The following LRMDA variants were observed in gnomAD, a reference collection of about 807,000 sequenced individuals.
LRMDA encodes leucine-rich melanocyte differentiation-associated protein.
LRMDA carries 18 observed loss-of-function variants against 29.8 expected under a neutral mutation model. The ratio of observed to expected loss-of-function variants is 0.60; its 90% CI spans 0.42 to 0.90. The LOEUF is 0.90. Ranked by LOEUF, LRMDA falls within the 40% of genes least tolerant of loss-of-function variation. The pLI, the probability that LRMDA is intolerant of heterozygous loss-of-function variation, is 0.00. For missense variants in LRMDA, 273 were observed against 273.9 expected (o/e 1.00, Z 0.02); for synonymous variants, 125 against 109.4 (o/e 1.14, Z -0.89).
chr10:76,000,432 C>G (rs1847542935), intron 2 of LRMDA, among the ~76,000 whole-genome samples: 1 of 152,196 alleles, frequency 6.6e-6, no homozygotes, highest in African/African-American at 2.4e-5. Context: ...TGACTCCATG[C>G]ACCTGTCTTA....
intron 2 of LRMDA, among the ~76,000 whole-genome samples, chr10:75,932,297 C>T (rs1420611979): frequency 6.6e-6 from 1 of 152,122 alleles, no homozygotes. Context: ...AATTACTTAT[C>T]TTGGGTTCTC....
intron 6 of LRMDA, among the ~76,000 whole-genome samples, chr10:76,537,117 GTTCACGAGAGAGCTTC>G (rs1294032698): frequency 6.6e-6 from 1 of 152,076 alleles, no homozygotes; most frequent in Non-Finnish European, 1.5e-5. Flanking sequence ...TGCCAAATTT[GTTCACGAGAGAGCTTC>G]TTCAAACTTC....
At chr10:75,898,807 C>T (rs943266304) in intron 2 of LRMDA, among the ~76,000 whole-genome samples, 3 of 152,186 alleles carry the variant, frequency 2.0e-5, no homozygotes. Flanking sequence ...CAATTTACTT[C>T]TGGGCTCGGC....
intron 4 of LRMDA, among the ~76,000 whole-genome samples, chr10:76,055,367 C>G (rs970013664): frequency 6.6e-6 from 1 of 152,208 alleles, no homozygotes; most frequent in Non-Finnish European, 1.5e-5. Context: ...CTGCAGACCT[C>G]TAAACTATTC....
At chr10:76,184,552 G>A (rs1449011346) in intron 5 of LRMDA, among the ~76,000 whole-genome samples, 9 of 152,184 alleles carry the variant, frequency 5.9e-5, no homozygotes, top group Non-Finnish European at 1.3e-4. Context: ...TTCAAAGTCT[G>A]CAAAAATGGG....
chr10:76,203,687 G>C (rs1028459007), intron 5 of LRMDA, among the ~76,000 whole-genome samples: 2 of 126,156 alleles, frequency 1.6e-5, no homozygotes, highest in African/African-American at 6.1e-5. Context: ...CCATGTGCCC[G>C]TCCACCCATC....
rs191337158 is a variant in LRMDA at position 76,200,997 on chromosome 10, G to A, written c.517-123404G>A. Among the ~76,000 whole-genome samples the A allele has an allele frequency of 1.2e-4, 18 of 151,216 alleles. No individual in the cohort carries two copies. The East Asian group carries it at 3.3e-3, about 28-fold the overall frequency. ...CTCCCAAAGTGCTGGGATTACAGGC[G>A]TGAGCCACCATGCCTGGCCAATTTT... On this transcript the variant is annotated intron_variant, in intron 5 of 6. Transcript: ENST00000611255.
intron 2 of LRMDA, among the ~76,000 whole-genome samples, chr10:75,777,357 A>T (rs1349348498): frequency 6.6e-6 from 1 of 152,146 alleles, no homozygotes; most frequent in Non-Finnish European, 1.5e-5. Flanking sequence ...CAGGGTGTTA[A>T]TTGTGGGTTG....
intron 2 of LRMDA, among the ~76,000 whole-genome samples, chr10:76,019,599 A>C (rs1847936553): frequency 6.6e-6 from 1 of 152,192 alleles, no homozygotes; most frequent in Non-Finnish European, 1.5e-5. Context: ...TTTCTGGCAA[A>C]GTAACAAGCA....
At chr10:76,344,418 C>T (rs983743657) in intron 6 of LRMDA, among the ~76,000 whole-genome samples, 3 of 152,092 alleles carry the variant, frequency 2.0e-5, no homozygotes, top group South Asian at 2.1e-4. Context: ...AACAGACATT[C>T]GTATTATTTT....
intron 2 of LRMDA, among the ~76,000 whole-genome samples, chr10:75,486,140 G>A (rs1208600669): frequency 1.3e-5 from 2 of 152,172 alleles, no homozygotes; most frequent in Non-Finnish European, 2.9e-5. Context: ...TTGCATAAAA[G>A]TTGTTGAAGA....
At chr10:75,647,251 A>ATT (rs368493739) in intron 2 of LRMDA, among the ~76,000 whole-genome samples, 1 of 151,544 alleles carries the variant, frequency 6.6e-6, no homozygotes, top group African/African-American at 2.4e-5. Flanking sequence ...ACCATGTCCA[A>ATT]TTTTTTTTTA....
chr10:76,409,179 T>A (rs1239043626), intron 6 of LRMDA, among the ~76,000 whole-genome samples: 1 of 152,200 alleles, frequency 6.6e-6, no homozygotes, highest in Non-Finnish European at 1.5e-5. Flanking sequence ...CCACACTCAA[T>A]AATGGTGAGA....
chr10:76,220,333 G>GT lies in LRMDA; in HGVS notation c.517-104060dup, dbSNP rs560207442. On this transcript the variant is annotated intron_variant, in intron 5 of 6. Transcript: ENST00000611255. ...AAAAAATTAATGAATCCAGGAGCTG[G>GT]TTTTTTTTGAAAGGATCAACAAAAT... Among the ~76,000 whole-genome samples the GT allele has an allele frequency of 5.2e-3, 787 of 151,934 alleles. 8 individuals carry two copies. Among genetic ancestry groups the GT allele is most frequent in the African/African-American group, 0.017 (693 of 41,464 alleles).
chr10:76,441,398 G>C (rs1392042842), intron 6 of LRMDA, among the ~76,000 whole-genome samples: 1 of 152,064 alleles, frequency 6.6e-6, no homozygotes, highest in Admixed American at 6.6e-5. Flanking sequence ...GAAAATTACT[G>C]ACCTTCTATG....
At chr10:76,150,413 T>C (rs1050653417) in intron 5 of LRMDA, among the ~76,000 whole-genome samples, 3 of 152,140 alleles carry the variant, frequency 2.0e-5, no homozygotes, top group African/African-American at 7.2e-5. Context: ...ACCTGCTCTG[T>C]TTTCTTTCGG....
intron 5 of LRMDA, among the ~76,000 whole-genome samples, chr10:76,263,903 T>C (rs1280328041): frequency 6.6e-6 from 1 of 152,148 alleles, no homozygotes; most frequent in African/African-American, 2.4e-5. Context: ...TATTCAACCA[T>C]CTAAAACTCT....
At chr10:75,470,048 C>T (rs1844707345) in intron 2 of LRMDA, among the ~76,000 whole-genome samples, 1 of 152,166 alleles carries the variant, frequency 6.6e-6, no homozygotes, top group African/African-American at 2.4e-5. Flanking sequence ...AATACTTTTC[C>T]CTCTTTTCCT....
chr10:75,680,030 C>T (rs934329960), intron 2 of LRMDA, among the ~76,000 whole-genome samples: 3 of 152,248 alleles, frequency 2.0e-5, no homozygotes, highest in Non-Finnish European at 4.4e-5. Context: ...CTCTCCATTT[C>T]TCAGCAACTC....
Sources: gnomAD v4.1 joint callset for allele counts (sites outside exome capture counted in the v4.1 genomes callset) on GRCh38, gnomAD v4.1.1 for gene constraint, MANE v1.5 for transcripts, NCBI Gene and HGNC (gene_info 2026-07-23, HGNC 2026-07-21) for gene names.